Variants in COL22A1 observed in about 807,000 individuals in gnomAD.
COL22A1 encodes collagen type XXII alpha 1 chain.
A neutral mutation model predicts 248.9 loss-of-function variants in COL22A1; 221 were observed. The observed-to-expected ratio is 0.89, with a 90% CI of 0.80 to 0.99. The LOEUF (loss-of-function observed/expected upper bound fraction) is 0.99. COL22A1 is among the 50% of genes least tolerant of loss of function. The probability of loss-of-function intolerance (pLI) is 0.00; values close to 1 mark genes in which losing one functional copy is unlikely to be tolerated. For synonymous variants in COL22A1, 891 were observed against 793.4 expected, an observed-to-expected ratio of 1.12 and a Z score of -2.07; for missense variants, 2,240 against 2,179.0, an observed-to-expected ratio of 1.03 and a Z score of -0.56.
At chr8:138,723,490 A>T (rs1586573860) in intron 25 of COL22A1, among the ~76,000 whole-genome samples, 1 of 152,190 alleles carries the variant, frequency 6.6e-6, no homozygotes, top group African/African-American at 2.4e-5. Flanking sequence ...AAATGCTCAC[A>T]GTGTCTTTCT....
chr8:138,630,615 G>T, intron 50 of COL22A1, 80 bp downstream of exon 50: 1 of 1,206,726 alleles, frequency 8.3e-7, no homozygotes, highest in Non-Finnish European at 1.2e-6. Flanking sequence ...CACAGGACAA[G>T]AGCAGAATTG....
At chr8:138,698,578 G>A (rs1193029536) in intron 32 of COL22A1, among the ~76,000 whole-genome samples, 1 of 152,244 alleles carries the variant, frequency 6.6e-6, no homozygotes, top group Admixed American at 6.5e-5. Context: ...TCCTCATGCA[G>A]TGAGCGACAG....
intron 60 of COL22A1, among the ~76,000 whole-genome samples, 152 bp downstream of exon 60, chr8:138,601,962 TC>T (rs1405604972): frequency 3.3e-5 from 5 of 152,142 alleles, no homozygotes. Context: ...GGGCTGGTGA[TC>T]ATCCAGGAAA....
chr8:138,850,612 C>T (rs1251932837), intron 3 of COL22A1, among the ~76,000 whole-genome samples: 1 of 152,186 alleles, frequency 6.6e-6, no homozygotes, highest in African/African-American at 2.4e-5. Context: ...TAAGGGCCTG[C>T]CAGGGCCATC....
chr8:138,840,857 C>T (rs1820830483), intron 4 of COL22A1, among the ~76,000 whole-genome samples: 1 of 152,196 alleles, frequency 6.6e-6, no homozygotes, highest in South Asian at 2.1e-4. Context: ...AGCAATTCAC[C>T]TGCCTTGGCT....
chr8:138,614,070 C>T (rs1448256562), intron 55 of COL22A1, 150 bp from the exon 56 acceptor site: 5 of 685,874 alleles, frequency 7.3e-6, no homozygotes, highest in African/African-American at 3.6e-5. Flanking sequence ...GTCCATTATT[C>T]CAAATATGGA....
chr8:138,814,507 A>G (rs1818512927), intron 7 of COL22A1, among the ~76,000 whole-genome samples: 1 of 152,212 alleles, frequency 6.6e-6, no homozygotes, highest in Admixed American at 6.5e-5. Context: ...TCAGCTACTC[A>G]GTGGACAGGC....
At chr8:138,753,962 A>G (rs954999668) in intron 21 of COL22A1, among the ~76,000 whole-genome samples, 1 of 152,198 alleles carries the variant, frequency 6.6e-6, no homozygotes, top group African/African-American at 2.4e-5. Context: ...TCCGTGGTGA[A>G]AACAGGAGAG....
chr8:138,785,046 G>A (rs867646372), intron 12 of COL22A1, among the ~76,000 whole-genome samples: 25 of 152,174 alleles, frequency 1.6e-4, no homozygotes, highest in Admixed American at 1.3e-4. Flanking sequence ...GCAGGTGCAT[G>A]ACTTTCTCAT....
chr8:138,774,494 C>T (rs1814221011), intron 16 of COL22A1, among the ~76,000 whole-genome samples: 1 of 150,292 alleles, frequency 6.7e-6, no homozygotes, highest in African/African-American at 2.5e-5. Context: ...TCTGGGCTCA[C>T]TGCAACCTCC....
intron 22 of COL22A1, among the ~76,000 whole-genome samples, chr8:138,743,687 T>C (rs148906099): frequency 1.1e-4 from 17 of 152,326 alleles, no homozygotes; most frequent in African/African-American, 4.1e-4. Context: ...ATAGGCCTGT[T>C]TCTTGTCATT....
intron 12 of COL22A1, among the ~76,000 whole-genome samples, chr8:138,794,150 G>A (rs912117975): frequency 3.9e-5 from 6 of 152,298 alleles, no homozygotes; most frequent in African/African-American, 1.4e-4. Context: ...ACTTTGGGAG[G>A]CTGAGGCAGG....
intron 4 of COL22A1, among the ~76,000 whole-genome samples, chr8:138,841,104 C>T (rs1027802799): frequency 1.3e-5 from 2 of 152,134 alleles, no homozygotes; most frequent in African/African-American, 4.8e-5. Context: ...TTTTGTCCAT[C>T]CCTCCATCCA....
chr8:138,703,979 C>G (rs1282921830), intron 30 of COL22A1, among the ~76,000 whole-genome samples: 1 of 152,226 alleles, frequency 6.6e-6, no homozygotes, highest in Non-Finnish European at 1.5e-5. Context: ...AAGAATATAT[C>G]CCGCACCTGG....
At chr8:138,878,787 C>T (rs1823949714) in intron 2 of COL22A1, among the ~76,000 whole-genome samples, 1 of 152,126 alleles carries the variant, frequency 6.6e-6, no homozygotes, top group African/African-American at 2.4e-5. Context: ...GCGGGTGGAT[C>T]ACGAGGTCAG....
chr8:138,684,533 C>T (rs1281964457), intron 38 of COL22A1, 64 bp from the exon 39 acceptor site: 28 of 1,179,328 alleles, frequency 2.4e-5, no homozygotes, highest in Middle Eastern at 2.0e-4. Flanking sequence ...CCATCCACCA[C>T]GTGCCAGGCT....
intron 42 of COL22A1, among the ~76,000 whole-genome samples, chr8:138,663,102 C>A (rs1824130224): frequency 6.6e-6 from 1 of 152,024 alleles, no homozygotes; most frequent in African/African-American, 2.4e-5. Context: ...GTTCACATGG[C>A]ATAAGATACA....
At chr8:138,624,222 G>A (rs1239896818) in intron 51 of COL22A1, among the ~76,000 whole-genome samples, 2 of 152,124 alleles carry the variant, frequency 1.3e-5, no homozygotes, top group South Asian at 2.1e-4. Context: ...ACTCAGCATG[G>A]TTCACTACTG....
Position 138,826,723 on chromosome 8 carries a change from T to C in COL22A1, c.904A>G (p.Arg302Gly). The change falls in exon 6 of 65, where the codon AGG (arginine) becomes GGG (glycine). Residue 302 changes from arginine to glycine, a missense_variant. Physicochemically the swap from Arg to Gly is moderately radical, Grantham distance 125 (BLOSUM62 -2). Transcript: ENST00000303045. The part of the protein sequence containing the change: ...EYAFVTTFRF[R>G]KTSRKEDWYI... Reference sequence around the variant, plus strand: ...CAGTCTTCCTTCCGAGAGGTTTTCCTGAACCGGAAGGTTGTGACAAAGGCG... The same window carrying C: ...CAGTCTTCCTTCCGAGAGGTTTTCCCGAACCGGAAGGTTGTGACAAAGGCG... 6.2e-7 allele frequency: 1 copy of C among 1,614,008 alleles called. No individual in the cohort carries two copies. Among genetic ancestry groups the C allele is most frequent in the Non-Finnish European group, 8.5e-7 (1 of 1,179,928 alleles).
Sources: gnomAD v4.1 joint callset for allele counts (sites outside exome capture counted in the v4.1 genomes callset) on GRCh38, gnomAD v4.1.1 for gene constraint, MANE v1.5 for transcripts, NCBI Gene and HGNC (gene_info 2026-07-23, HGNC 2026-07-21) for gene names.